The following IQSEC1 variants were observed in gnomAD, a reference collection of about 807,000 sequenced individuals.
IQSEC1 encodes IQ motif and Sec7 domain ArfGEF 1.
A neutral mutation model predicts 91.0 loss-of-function variants in IQSEC1; 31 were observed. That is an observed-to-expected ratio of 0.34 (90% CI 0.26 to 0.46). IQSEC1 has a LOEUF of 0.46. Among genes scored for constraint, IQSEC1 ranks in the 20% least tolerant of loss-of-function variants. IQSEC1 has a pLI of 1.00. For missense variants in IQSEC1, 1,388 were observed against 1,575.6 expected, an observed-to-expected ratio of 0.88 and a Z score of 2.02; for synonymous variants, 699 against 662.6, an observed-to-expected ratio of 1.05 and a Z score of -0.84.
In IQSEC1 at chr3:13,203,293, G is replaced by A. The variant is rs553421541; in HGVS notation, c.273-39160C>T. Among the ~76,000 whole-genome samples the A allele has an allele frequency of 2.0e-4, 31 of 152,278 alleles. No individual in the cohort carries two copies. The South Asian group carries it at 5.6e-3, about 27-fold the overall frequency. On this transcript the variant is annotated intron_variant, in intron 1 of 15. Coordinates refer to the IQSEC1 transcript ENST00000648114. ...CAGGTGCTGCCCCTGCAGCTGAGGC[G>A]TAGCAAGGGCTCCCACTGCCACTAG...
At chr3:13,194,803 G>A (rs1187489939) in intron 1 of IQSEC1, among the ~76,000 whole-genome samples, 3 of 152,140 alleles carry the variant, frequency 2.0e-5, no homozygotes, top group Admixed American at 6.5e-5. Flanking sequence ...TCAGACATCC[G>A]CAGGCAATAC....
intron 2 of IQSEC1, among the ~76,000 whole-genome samples, chr3:13,080,193 C>T (rs2125127206): frequency 6.6e-6 from 1 of 152,254 alleles, no homozygotes; most frequent in East Asian, 1.9e-4. Flanking sequence ...TAGATCCCCT[C>T]ATGGGGGAAG....
At chr3:13,196,295 C>T (rs1298147325) in intron 1 of IQSEC1, among the ~76,000 whole-genome samples, 1 of 152,216 alleles carries the variant, frequency 6.6e-6, no homozygotes, top group African/African-American at 2.4e-5. Context: ...ATCCAGGCAC[C>T]TGAAGCCTCT....
chr3:13,059,367 G>A (rs1238994603), intron 1 of IQSEC1, among the ~76,000 whole-genome samples: 2 of 152,306 alleles, frequency 1.3e-5, no homozygotes, highest in South Asian at 2.1e-4. Flanking sequence ...GGGCACCTCT[G>A]CTCCAGCAGC....
chr3:13,030,684 T>C (rs1279195853), intron 1 of IQSEC1, among the ~76,000 whole-genome samples: 1 of 152,270 alleles, frequency 6.6e-6, no homozygotes, highest in Non-Finnish European at 1.5e-5. Flanking sequence ...GGTAAAAGGA[T>C]GCTTACGAGA....
chr3:12,933,816 G>T (rs1383553240), intron 3 of IQSEC1, among the ~76,000 whole-genome samples: 1 of 152,270 alleles, frequency 6.6e-6, no homozygotes, highest in African/African-American at 2.4e-5. Flanking sequence ...ATCCTGAGCT[G>T]CAAGGCATGC....
At chr3:13,226,607 G>A (rs946455502) in intron 1 of IQSEC1, among the ~76,000 whole-genome samples, 10 of 149,742 alleles carry the variant, frequency 6.7e-5, no homozygotes, top group African/African-American at 2.5e-4. Flanking sequence ...AAAAAAAATG[G>A]TTAAAAATTT....
At chr3:12,993,610 C>T (rs1300313867) in intron 1 of IQSEC1, among the ~76,000 whole-genome samples, 1 of 152,216 alleles carries the variant, frequency 6.6e-6, no homozygotes, top group Non-Finnish European at 1.5e-5. Flanking sequence ...ATGGAGCACC[C>T]CGCCCCTCCC....
intron 1 of IQSEC1, among the ~76,000 whole-genome samples, chr3:13,274,373 C>G (rs979223996): frequency 6.6e-6 from 1 of 152,252 alleles, no homozygotes; most frequent in Non-Finnish European, 1.5e-5. Context: ...CCTGCCCTAC[C>G]GGTCCCAGGA....
intron 1 of IQSEC1, chr3:13,042,523 T>A (rs1704318932): frequency 6.6e-6 from 1 of 152,330 alleles, no homozygotes; most frequent in Non-Finnish European, 1.5e-5. Context: ...GCTTGTACAG[T>A]ACACGCCTCC....
chr3:13,124,439 G>A (rs1415253385), intron 2 of IQSEC1, among the ~76,000 whole-genome samples: 2 of 152,202 alleles, frequency 1.3e-5, no homozygotes, highest in Non-Finnish European at 2.9e-5. Flanking sequence ...TGATTGCTGA[G>A]GCTCTGCTCT....
In IQSEC1 at chr3:13,282,060, A is replaced by T; in HGVS notation, c.272+651T>A. 6.6e-6 allele frequency among the ~76,000 whole-genome samples: 1 copy of T among 152,140 alleles called. No individual in the cohort carries two copies. The highest frequency in any genetic ancestry group is 1.9e-4 in the East Asian group (1 of 5,176). On this transcript the variant is annotated intron_variant, in intron 1 of 15. Transcript: ENST00000648114. This position sits in a 1 kb window ranked among gnomAD's most constrained non-coding sequence, Gnocchi z 6.4. ...GGACGCTGGGGTCCAGGGCTGCTGGACAGCCCCGCCCTGTACCTCTCCCCA... is the reference window on the plus strand; with the variant it reads ...GGACGCTGGGGTCCAGGGCTGCTGGTCAGCCCCGCCCTGTACCTCTCCCCA...
chr3:13,211,578 A>G lies in IQSEC1; in HGVS notation c.273-47445T>C, dbSNP rs1694445479. 6.6e-6 allele frequency among the ~76,000 whole-genome samples: 1 copy of G among 152,276 alleles called. No individual in the cohort carries two copies. Among genetic ancestry groups the G allele is most frequent in the East Asian group, 1.9e-4 (1 of 5,178 alleles). On this transcript the variant is annotated intron_variant, in intron 1 of 15. Transcript: ENST00000648114. This position sits in a 1 kb window ranked among gnomAD's most constrained non-coding sequence, Gnocchi z 5.3. ...TCCCCTAGTAGGAGCCCACAGGGCC[A>G]GCAGGAGAGTCACCATCCTTGCCTC...
chr3:13,122,921 C>A (rs1017231346), intron 2 of IQSEC1, among the ~76,000 whole-genome samples: 1 of 152,160 alleles, frequency 6.6e-6, no homozygotes, highest in Admixed American at 6.5e-5. Context: ...TGGTCACGCT[C>A]CCAGGACACA....
intron 1 of IQSEC1, among the ~76,000 whole-genome samples, chr3:12,977,967 A>G (rs1701267944): frequency 6.6e-6 from 1 of 152,250 alleles, no homozygotes; most frequent in African/African-American, 2.4e-5. Flanking sequence ...AATGTGCTCA[A>G]TAACTTCCCA....
chr3:13,079,576 G>C (rs771333429), intron 2 of IQSEC1, among the ~76,000 whole-genome samples: 3 of 152,178 alleles, frequency 2.0e-5, no homozygotes, highest in Non-Finnish European at 4.4e-5. Flanking sequence ...TCCCACCTTG[G>C]ACCTGAGCTT....
chr3:13,112,767 G>A (rs1028534682), intron 2 of IQSEC1, among the ~76,000 whole-genome samples: 1 of 152,244 alleles, frequency 6.6e-6, no homozygotes, highest in Non-Finnish European at 1.5e-5. Flanking sequence ...CCCTGACCTG[G>A]CCACACAGGC....
At chr3:12,958,051 G>T (rs773704207) in intron 1 of IQSEC1, among the ~76,000 whole-genome samples, 5 of 152,230 alleles carry the variant, frequency 3.3e-5, no homozygotes, top group African/African-American at 4.8e-5. Context: ...GGAGGGGTGA[G>T]GCTGGCTGAG....
chr3:13,141,131 A>C (rs1282117238), intron 2 of IQSEC1, among the ~76,000 whole-genome samples: 1 of 152,230 alleles, frequency 6.6e-6, no homozygotes, highest in Non-Finnish European at 1.5e-5. Context: ...ATGCCTTACC[A>C]ATCACTCTGG....
Sources: allele counts gnomAD v4.1 joint callset (sites outside exome capture counted in the v4.1 genomes callset), GRCh38; gene constraint gnomAD v4.1.1; non-coding constraint Gnocchi (gnomAD v3.1); transcripts MANE v1.5; gene names NCBI Gene and HGNC (gene_info 2026-07-23, HGNC 2026-07-21).